Variants in EPB41 observed in about 807,000 individuals in gnomAD.
EPB41 encodes erythrocyte membrane protein band 4.1.
In EPB41, 65 loss-of-function variants were observed where a neutral mutation model predicts 108.0. The ratio of observed to expected loss-of-function variants is 0.60; its 90% CI spans 0.49 to 0.74. The LOEUF is 0.74. Among genes scored for constraint, EPB41 ranks in the 30% least tolerant of loss-of-function variants. The pLI is 0.00. For missense variants in EPB41, 875 were observed against 1,037.0 expected, an observed-to-expected ratio of 0.84 and a Z score of 2.15; for synonymous variants, 336 against 358.9, an observed-to-expected ratio of 0.94 and a Z score of 0.72.
intron 5 of EPB41, among the ~76,000 whole-genome samples, chr1:29,015,347 T>A (rs2096564160): frequency 6.6e-6 from 1 of 151,878 alleles, no homozygotes; most frequent in Non-Finnish European, 1.5e-5. Context: ...CGCCTGAGGT[T>A]GGGAGTTTGA....
intron 1 of EPB41, chr1:28,893,846 T>C (rs1281375365): frequency 6.6e-6 from 1 of 152,258 alleles, no homozygotes; most frequent in Non-Finnish European, 1.5e-5. Flanking sequence ...GGGTGAGTAA[T>C]GGTTTGACTT....
intron 15 of EPB41, among the ~76,000 whole-genome samples, chr1:29,063,570 A>G (rs539978497): frequency 6.6e-6 from 1 of 152,376 alleles, no homozygotes; most frequent in Non-Finnish European, 1.5e-5. Flanking sequence ...TATTACCCTC[A>G]GAAAAAACTT....
chr1:28,936,540 G>A (rs1194435397), intron 1 of EPB41, among the ~76,000 whole-genome samples: 1 of 152,062 alleles, frequency 6.6e-6, no homozygotes, highest in African/African-American at 2.4e-5. Context: ...CCCCTTACAT[G>A]TTAGCAGTTA....
At chr1:29,054,704 G>C (rs1645079300) in intron 12 of EPB41, among the ~76,000 whole-genome samples, 1 of 152,078 alleles carries the variant, frequency 6.6e-6, no homozygotes. Context: ...AAAAAAACTA[G>C]CTGGGTATGG....
At chr1:28,947,036 T>C (rs1308754800) in intron 1 of EPB41, among the ~76,000 whole-genome samples, 4 of 152,212 alleles carry the variant, frequency 2.6e-5, no homozygotes, top group Admixed American at 2.6e-4. Context: ...GGGTACCTAA[T>C]TATTCAGAAA....
intron 1 of EPB41, among the ~76,000 whole-genome samples, chr1:28,974,806 T>C (rs972902936): frequency 4.6e-5 from 7 of 151,936 alleles, no homozygotes; most frequent in African/African-American, 1.7e-4. Context: ...TTTTGTTTTT[T>C]TTTTTTGAGA....
intron 19 of EPB41, among the ~76,000 whole-genome samples, chr1:29,114,370 C>T (rs1181507110): frequency 6.6e-6 from 1 of 152,160 alleles, no homozygotes; most frequent in Non-Finnish European, 1.5e-5. Flanking sequence ...CGGCTGGGTG[C>T]GTTGGCTCAC....
intron 1 of EPB41, among the ~76,000 whole-genome samples, chr1:28,922,267 C>G (rs1240808786): frequency 1.3e-5 from 2 of 151,760 alleles, no homozygotes; most frequent in African/African-American, 2.4e-5. Context: ...CGCACCTGGC[C>G]TATAAAATTA....
At position 29,009,065 on chromosome 1, in the gene EPB41, G is replaced by A. The variant is rs771921395; in HGVS notation, c.787-2800G>A. Among the ~76,000 whole-genome samples the A allele has an allele frequency of 6.5e-4, 98 of 151,618 alleles. 2 individuals carry two copies. The highest frequency in any genetic ancestry group is 5.7e-4 in the Non-Finnish European group (39 of 67,964). ...ATCATTGTAATTGTCACACCTCCTCGAACAAACTGATTGTTCTCTTTTTGC... is the reference window on the plus strand; with the variant it reads ...ATCATTGTAATTGTCACACCTCCTCAAACAAACTGATTGTTCTCTTTTTGC... On this transcript the variant is annotated intron_variant, in intron 4 of 20. Transcript: ENST00000343067.
chr1:29,088,042 T>C (rs1573779570), intron 16 of EPB41, among the ~76,000 whole-genome samples: 1 of 149,424 alleles, frequency 6.7e-6, no homozygotes, highest in East Asian at 1.9e-4. Flanking sequence ...TTTTTCTTTT[T>C]TTCTTTTTTT....
intron 17 of EPB41, 48 bp from the exon 18 acceptor site, chr1:29,109,288 C>A: frequency 1.4e-6 from 2 of 1,431,672 alleles, no homozygotes; most frequent in Non-Finnish European, 2.0e-6. Context: ...GCAACATTTG[C>A]CCAGTCTTCC....
intron 16 of EPB41, among the ~76,000 whole-genome samples, chr1:29,082,310 G>A (rs1359967989): frequency 6.6e-6 from 1 of 152,128 alleles, no homozygotes. Context: ...TTTTAGTAGA[G>A]ATGGGGTTTC....
At chr1:29,051,088 GTTTTTTTTT>G (rs71586885) in intron 11 of EPB41, among the ~76,000 whole-genome samples, 7 of 51,586 alleles carry the variant, frequency 1.4e-4, no homozygotes, top group Non-Finnish European at 1.9e-4. Flanking sequence ...TTCTTTTTCT[GTTTTTTTTT>G]TTTTTTTTTT....
At chr1:29,057,365 C>A (rs1468503323) in intron 12 of EPB41, among the ~76,000 whole-genome samples, 5 of 105,780 alleles carry the variant, frequency 4.7e-5, no homozygotes, top group East Asian at 5.3e-4. Context: ...CAGAGTGAGA[C>A]TCTGTCTCAA....
chr1:29,100,243 C>T (rs906999751), intron 17 of EPB41, among the ~76,000 whole-genome samples: 31 of 150,610 alleles, frequency 2.1e-4, no homozygotes, highest in African/African-American at 7.5e-4. Context: ...CCAAGGCAGG[C>T]GGAGCACGTG....
intron 4 of EPB41, among the ~76,000 whole-genome samples, chr1:29,005,130 G>A (rs1483444140): frequency 6.6e-6 from 1 of 152,162 alleles, no homozygotes. Context: ...TCTGCAGGCT[G>A]TATAAGAAGC....
intron 4 of EPB41, 87 bp downstream of exon 4, chr1:28,997,406 C>G (rs1392619976): frequency 1.2e-6 from 1 of 816,850 alleles, no homozygotes. Context: ...ACCTGCTTCT[C>G]TAAGCCAGTG....
intron 1 of EPB41, among the ~76,000 whole-genome samples, chr1:28,937,034 G>A (rs1322140923): frequency 6.6e-6 from 1 of 152,158 alleles, no homozygotes; most frequent in Non-Finnish European, 1.5e-5. Flanking sequence ...TAAAGGCAGT[G>A]CATAAGGGTA....
intron 17 of EPB41, among the ~76,000 whole-genome samples, chr1:29,100,947 G>A (rs1421141354): frequency 2.7e-5 from 4 of 150,910 alleles, no homozygotes; most frequent in Admixed American, 1.3e-4. Flanking sequence ...AAAGAGGGCC[G>A]GGTGCAGTGG....
Sources: gnomAD v4.1 joint callset for allele counts (sites outside exome capture counted in the v4.1 genomes callset) on GRCh38, gnomAD v4.1.1 for gene constraint, MANE v1.5 for transcripts, NCBI Gene and HGNC (gene_info 2026-07-23, HGNC 2026-07-21) for gene names.